Variants in GALNT17 observed in about 807,000 individuals in gnomAD.
GALNT17 encodes UDP-GalNAc:polypeptide N-acetylgalactosaminyltransferase-like 3.
Under a neutral mutation model 63.7 loss-of-function variants are expected in GALNT17, and 29 were observed. The ratio of observed to expected loss-of-function variants is 0.46; its 90% CI spans 0.34 to 0.62. GALNT17 has a LOEUF of 0.62. GALNT17 is among the 20% of genes least tolerant of loss of function. The pLI is 0.01. For synonymous variants in GALNT17, 305 were observed against 318.3 expected (o/e 0.96, Z 0.45); for missense variants, 603 against 799.6 (o/e 0.75, Z 2.97).
At chr7:71,702,973 C>T (rs1791673278) in intron 9 of GALNT17, among the ~76,000 whole-genome samples, 2 of 152,206 alleles carry the variant, frequency 1.3e-5, no homozygotes, top group Non-Finnish European at 2.9e-5. Flanking sequence ...GCTTATTAGA[C>T]ATCCAAGTGG....
At chr7:71,542,196 C>T (rs1455156912) in intron 5 of GALNT17, among the ~76,000 whole-genome samples, 3 of 152,106 alleles carry the variant, frequency 2.0e-5, no homozygotes, top group Non-Finnish European at 1.5e-5. Flanking sequence ...TGCAAACCTC[C>T]TTTTCTGATT....
At chr7:71,190,088 G>A (rs563194016) in intron 1 of GALNT17, among the ~76,000 whole-genome samples, 165 of 152,256 alleles carry the variant, frequency 1.1e-3, no homozygotes, top group Non-Finnish European at 2.0e-3. Flanking sequence ...TGGGATTACA[G>A]GCATGAGCCA....
chr7:71,230,511 T>C (rs1789768858), intron 1 of GALNT17, among the ~76,000 whole-genome samples: 1 of 151,092 alleles, frequency 6.6e-6, no homozygotes, highest in Non-Finnish European at 1.5e-5. Flanking sequence ...CAGCCGACTT[T>C]CCCTGTGTTC....
chr7:71,361,610 G>T (rs1792402920), intron 2 of GALNT17, among the ~76,000 whole-genome samples: 1 of 152,164 alleles, frequency 6.6e-6, no homozygotes, highest in Admixed American at 6.5e-5. Context: ...TCTAGTAGGA[G>T]AAGCATATGT....
chr7:71,263,174 A>G (rs1318913060), intron 1 of GALNT17, among the ~76,000 whole-genome samples: 3 of 151,950 alleles, frequency 2.0e-5, no homozygotes, highest in Non-Finnish European at 4.4e-5. Context: ...CCTGGCTAAC[A>G]TGGTGAAACC....
intron 2 of GALNT17, among the ~76,000 whole-genome samples, chr7:71,351,527 A>G (rs1187413010): frequency 6.6e-6 from 1 of 151,964 alleles, no homozygotes; most frequent in East Asian, 1.9e-4. Context: ...TGGTATCTTA[A>G]GAGGAGAAAA....
chr7:71,617,673 C>T (rs867029508), intron 6 of GALNT17, among the ~76,000 whole-genome samples: 3 of 149,494 alleles, frequency 2.0e-5, no homozygotes, highest in African/African-American at 7.4e-5. Flanking sequence ...GATGGAATCT[C>T]GCTCTGTCAC....
chr7:71,230,421 A>C (rs1181727510), intron 1 of GALNT17, among the ~76,000 whole-genome samples: 1 of 152,166 alleles, frequency 6.6e-6, no homozygotes, highest in Non-Finnish European at 1.5e-5. Context: ...ACGTTCAAGA[A>C]ACAGGGAGGG....
chr7:71,447,556 A>C (rs1243358518), intron 5 of GALNT17, among the ~76,000 whole-genome samples: 3 of 152,114 alleles, frequency 2.0e-5, no homozygotes, highest in African/African-American at 4.8e-5. Context: ...GTTAAGGGAT[A>C]CTTGACCTAC....
At position 71,188,814 on chromosome 7, in the gene GALNT17, A is replaced by G. The variant is rs536179647; in HGVS notation, c.238+55774A>G. ...TCACTTTTTGAAATATCCCCAGCAC[A>G]GCTTTGGATGTGTCACTGGGCCACT... is the stretch of plus-strand genomic sequence containing the variant. On this transcript the variant is annotated intron_variant, in intron 1 of 10. Coordinates refer to ENST00000333538, the MANE Select transcript of GALNT17 (RefSeq NM_022479.3). 3.9e-5 allele frequency among the ~76,000 whole-genome samples: 6 copies of G among 152,278 alleles called. No homozygotes were observed. The South Asian group carries it at 1.2e-3, about 32-fold the overall frequency.
chr7:71,276,764 G>A (rs113072020), intron 1 of GALNT17, among the ~76,000 whole-genome samples: 6,849 of 152,152 alleles, frequency 0.045, 540 homozygotes, highest in African/African-American at 0.16. Context: ...TTGGGAGGCC[G>A]AGGCGGGTAG....
At position 71,712,070 on chromosome 7, in the gene GALNT17, G is replaced by T; in HGVS notation, c.1721G>T (p.Arg574Leu). The T allele has an allele frequency of 6.2e-7, 1 of 1,613,938 alleles. No individual in the cohort carries two copies. Among genetic ancestry groups the T allele is most frequent in the Non-Finnish European group, 8.5e-7 (1 of 1,179,950 alleles). Residue 574 changes from arginine to leucine, a missense_variant, in exon 11 of 11, where the codon CGG becomes CTG. This residue lies in a region of GALNT17 where 72 missense variants were observed against 76.9 expected (regional missense o/e 0.94). Coordinates refer to ENST00000333538, the MANE Select transcript of GALNT17 (RefSeq NM_022479.3). ...GGACGCTGCCTGGAGGTGGAGAACCGGGGCCTGGCTGGCATCGACCTCATC... is the reference window on the plus strand; with the variant it reads ...GGACGCTGCCTGGAGGTGGAGAACCTGGGCCTGGCTGGCATCGACCTCATC... The part of the protein sequence containing the change: ...GTGRCLEVEN[R>L]GLAGIDLILR...
At chr7:71,400,608 T>G (rs529262764) in intron 3 of GALNT17, among the ~76,000 whole-genome samples, 1 of 152,338 alleles carries the variant, frequency 6.6e-6, no homozygotes, top group South Asian at 2.1e-4. Flanking sequence ...CTTTCCAAAA[T>G]AAATTCCAGA....
intron 6 of GALNT17, among the ~76,000 whole-genome samples, chr7:71,662,324 A>ATCTG (rs1045913043): frequency 6.6e-6 from 1 of 150,712 alleles, no homozygotes; most frequent in African/African-American, 2.4e-5. Flanking sequence ...CTGTTTATCT[A>ATCTG]TCTATCTATC....
intron 5 of GALNT17, among the ~76,000 whole-genome samples, chr7:71,476,844 A>G (rs925835094): frequency 1.3e-5 from 2 of 152,216 alleles, no homozygotes; most frequent in African/African-American, 2.4e-5. Flanking sequence ...GACTCACAGA[A>G]TCAGAGTCCT....
chr7:71,416,843 G>A (rs2116439366), intron 4 of GALNT17, among the ~76,000 whole-genome samples: 1 of 152,298 alleles, frequency 6.6e-6, no homozygotes, highest in Admixed American at 6.5e-5. Flanking sequence ...TCATTCGGAG[G>A]AAGGTGAAGC....
At chr7:71,481,744 C>G (rs1787821462) in intron 5 of GALNT17, among the ~76,000 whole-genome samples, 4 of 152,112 alleles carry the variant, frequency 2.6e-5, no homozygotes, top group Admixed American at 2.6e-4. Flanking sequence ...GCTGTTGGCT[C>G]CACCGTGAAG....
chr7:71,223,675 A>G (rs369040834), intron 1 of GALNT17, among the ~76,000 whole-genome samples: 7 of 152,188 alleles, frequency 4.6e-5, no homozygotes, highest in African/African-American at 1.7e-4. Context: ...CTGGTACCCA[A>G]TAGTTACCTT....
At chr7:71,235,232 C>T (rs1346818482) in intron 1 of GALNT17, among the ~76,000 whole-genome samples, 1 of 149,802 alleles carries the variant, frequency 6.7e-6, no homozygotes, top group Non-Finnish European at 1.5e-5. Context: ...GCCTGGGTGA[C>T]AGAGCAACAC....
Sources: gnomAD v4.1 joint callset for allele counts (sites outside exome capture counted in the v4.1 genomes callset) on GRCh38, gnomAD v4.1.1 for gene constraint, gnomAD v4.1.1 regional missense constraint, MANE v1.5 for transcripts, NCBI Gene and HGNC (gene_info 2026-07-23, HGNC 2026-07-21) for gene names.